Variants in AMPH observed in about 807,000 individuals in gnomAD.
AMPH encodes the protein amphiphysin (Stiff-Mann syndrome with breast cancer 128kD autoantigen).
AMPH carries 49 observed loss-of-function variants against 99.1 expected under a neutral mutation model. That is an observed-to-expected ratio of 0.49 (90% CI 0.39 to 0.63). AMPH has a LOEUF of 0.63. Ranked by LOEUF, AMPH falls within the 20% of genes least tolerant of loss-of-function variation. The pLI is 0.00. For missense variants in AMPH, 759 were observed against 863.4 expected, an observed-to-expected ratio of 0.88 and a Z score of 1.52; for synonymous variants, 314 against 317.3, an observed-to-expected ratio of 0.99 and a Z score of 0.11.
chr7:38,509,953 G>A (rs141417193), intron 2 of AMPH, among the ~76,000 whole-genome samples: 1 of 100,880 alleles, frequency 9.9e-6, no homozygotes, highest in African/African-American at 4.3e-5. Flanking sequence ...AACAACTGCT[G>A]TGTCAAGGCA....
intron 1 of AMPH, among the ~76,000 whole-genome samples, chr7:38,544,006 A>G (rs1226255195): frequency 6.6e-6 from 1 of 152,218 alleles, no homozygotes; most frequent in Non-Finnish European, 1.5e-5. Flanking sequence ...GATTCTAACC[A>G]CTATACTATA....
chr7:38,589,074 T>G (rs1298698957), intron 1 of AMPH, among the ~76,000 whole-genome samples: 1 of 152,240 alleles, frequency 6.6e-6, no homozygotes, highest in Non-Finnish European at 1.5e-5. Context: ...TTCTTTAGAA[T>G]AGAAAATACC....
In AMPH at chr7:38,513,408, C is replaced by A. The variant is rs553768937; in HGVS notation, c.151-9704G>T. On this transcript the variant is annotated intron_variant, in intron 2 of 20. Coordinates refer to ENST00000356264, the MANE Select transcript of AMPH (RefSeq NM_001635.4). ...CACCCATTGAACCTGGGAAGTCTAG[C>A]TGAAAATGGGATTGTGGAAAGGTAT... Among the ~76,000 whole-genome samples, 51 of 152,230 alleles carry A rather than the reference C, an allele frequency of 3.4e-4. 1 individual carries two copies. The highest frequency in any genetic ancestry group is 1.0e-3 in the Admixed American group (16 of 15,296).
intron 14 of AMPH, chr7:38,427,812 T>A (rs1204076705): frequency 2.3e-6 from 1 of 437,232 alleles, no homozygotes; most frequent in African/African-American, 2.0e-5. Flanking sequence ...CTTTGGCTAG[T>A]CTATGCTACA....
intron 17 of AMPH, among the ~76,000 whole-genome samples, chr7:38,411,176 G>T (rs1321632903): frequency 6.6e-6 from 1 of 152,140 alleles, no homozygotes; most frequent in Non-Finnish European, 1.5e-5. Context: ...TCTGTAAAAC[G>T]AGGGACCTGA....
At position 38,475,360 on chromosome 7, in the gene AMPH, T is replaced by C; in HGVS notation, c.561A>G (p.Leu187=). 1 of 1,613,166 alleles carries C rather than the reference T, an allele frequency of 6.2e-7. No homozygotes were observed. Among genetic ancestry groups the C allele is most frequent in the Non-Finnish European group, 8.5e-7 (1 of 1,179,444 alleles). Residue 187 remains leucine (L), a synonymous_variant, in exon 7 of 21, where the codon TTA becomes TTG. Transcript: ENST00000356264. ...QKVFEEFNVD[L]QEELPSLWSR... is the part of the protein sequence containing the mutation. Reference sequence around the variant, plus strand: ...ACCATAATGATGGTAACTCTTCTTGTAAGTCAACGTTAAACTCTTCAAACA... The same window carrying C: ...ACCATAATGATGGTAACTCTTCTTGCAAGTCAACGTTAAACTCTTCAAACA...
chr7:38,429,203 C>T (rs201696820), intron 14 of AMPH: 589 of 1,289,208 alleles, frequency 4.6e-4, no homozygotes, highest in Non-Finnish European at 5.7e-4. Flanking sequence ...GTGGGTCATA[C>T]AGCTGCTCCA....
At chr7:38,512,400 C>T (rs750565555) in intron 2 of AMPH, among the ~76,000 whole-genome samples, 1 of 152,156 alleles carries the variant, frequency 6.6e-6, no homozygotes, top group Non-Finnish European at 1.5e-5. Flanking sequence ...CTCTGCATCC[C>T]ATTACCAGAA....
chr7:38,598,981 G>T (rs1793155063), intron 1 of AMPH, among the ~76,000 whole-genome samples: 1 of 151,940 alleles, frequency 6.6e-6, no homozygotes, highest in African/African-American at 2.4e-5. Context: ...ATATAGCTTT[G>T]CTTGTCTCCC....
At chr7:38,513,353 G>A (rs1374383549) in intron 2 of AMPH, among the ~76,000 whole-genome samples, 1 of 152,102 alleles carries the variant, frequency 6.6e-6, no homozygotes, top group African/African-American at 2.4e-5. Context: ...GCTTTACAGG[G>A]TGATGATTTT....
In AMPH at chr7:38,631,276, C is replaced by T. The variant is rs1172293434; in HGVS notation, c.69+7G>A. 17 of 1,524,804 alleles carry T rather than the reference C, an allele frequency of 1.1e-5. No individual in the cohort carries two copies. Among genetic ancestry groups the T allele is most frequent in the Non-Finnish European group, 1.4e-5 (16 of 1,136,628 alleles). The allele number at this position is 1,524,804 out of a possible 1,614,324, so 94.5% of individuals were successfully genotyped here. A position where few individuals can be genotyped will look rare whatever the true frequency, so the allele number is the denominator to read the frequency against. ...CCCGGCCCCAGCCCCGGCCGCCCGCCGCTGACCTTTTCCTGCGCGCGGTTG... is the reference window on the plus strand; with the variant it reads ...CCCGGCCCCAGCCCCGGCCGCCCGCTGCTGACCTTTTCCTGCGCGCGGTTG... On this transcript the variant is annotated splice_region_variant and intron_variant, in intron 1 of 20. Transcript: ENST00000356264.
At chr7:38,564,931 T>C (rs546704674) in intron 1 of AMPH, among the ~76,000 whole-genome samples, 8 of 152,242 alleles carry the variant, frequency 5.3e-5, no homozygotes, top group African/African-American at 1.9e-4. Context: ...GAGACCATCC[T>C]GGCTAACACG....
rs76226933 is a variant in AMPH at position 38,561,713 on chromosome 7, T to C, written c.70-26702A>G. 3.0e-3 allele frequency among the ~76,000 whole-genome samples: 452 copies of C among 152,262 alleles called. 2 individuals carry two copies. The highest frequency in any genetic ancestry group is 0.01 in the African/African-American group (425 of 41,554). On this transcript the variant is annotated intron_variant, in intron 1 of 20. Coordinates refer to ENST00000356264, the MANE Select transcript of AMPH (RefSeq NM_001635.4). The stretch of plus-strand genomic sequence containing the variant: ...TCTTCAATGCCATGGTACTTGGAGA[T>C]GGGGCCTCTGGGAGGCAAATAGGTT...
chr7:38,426,803 T>G (rs1785796967), intron 15 of AMPH, 151 bp downstream of exon 15: 2 of 634,540 alleles, frequency 3.2e-6, no homozygotes, highest in Non-Finnish European at 5.6e-6. Context: ...CTATTCTGTT[T>G]CCATTACTCA....
At chr7:38,430,864 C>T (rs955863950) in intron 13 of AMPH, among the ~76,000 whole-genome samples, 1 of 152,212 alleles carries the variant, frequency 6.6e-6, no homozygotes, top group Non-Finnish European at 1.5e-5. Flanking sequence ...AGCCCTGCAA[C>T]TGCAGAAGGA....
chr7:38,593,398 G>A (rs980148312), intron 1 of AMPH, among the ~76,000 whole-genome samples: 14 of 152,198 alleles, frequency 9.2e-5, no homozygotes, highest in South Asian at 2.1e-4. Flanking sequence ...CCAAATGTAC[G>A]TTTCAAGGGA....
chr7:38,531,401 G>A (rs1211517548), intron 2 of AMPH: 1 of 152,172 alleles, frequency 6.6e-6, no homozygotes, highest in Admixed American at 6.5e-5. Context: ...GCAATTGGGA[G>A]TCCAATGGAC....
intron 1 of AMPH, among the ~76,000 whole-genome samples, chr7:38,584,528 A>T (rs893902471): frequency 6.6e-6 from 1 of 152,182 alleles, no homozygotes; most frequent in African/African-American, 2.4e-5. Flanking sequence ...CCATGAGGGG[A>T]TGTCCCCTGA....
rs953637145 is a variant in AMPH at position 38,392,459 on chromosome 7, C to T, written c.1609-442G>A. ...TGGAGTGCAATGACGCGATCTCAGC[C>T]CACTGCAAACTCTGCCTCCCGGGTT... is the stretch of plus-strand genomic sequence containing the variant. On this transcript the variant is annotated intron_variant, in intron 18 of 20. Coordinates refer to ENST00000356264, the MANE Select transcript of AMPH (RefSeq NM_001635.4). 4.2e-5 allele frequency among the ~76,000 whole-genome samples: 6 copies of T among 144,050 alleles called. No individual in the cohort carries two copies. The South Asian group carries it at 9.0e-4, about 22-fold the overall frequency. The allele number at this position is 144,050 out of a possible 152,430, so 94.5% of individuals were successfully genotyped here. A position where few individuals can be genotyped will look rare whatever the true frequency, so the allele number is the denominator to read the frequency against.
Sources: gnomAD v4.1 joint callset for allele counts (sites outside exome capture counted in the v4.1 genomes callset) on GRCh38, gnomAD v4.1.1 for gene constraint, MANE v1.5 for transcripts, NCBI Gene and HGNC (gene_info 2026-07-23, HGNC 2026-07-21) for gene names.